Variants in TANGO6 observed in about 807,000 individuals in gnomAD.
TANGO6 encodes the protein transport and Golgi organization protein 6 homolog.
TANGO6 carries 90 observed loss-of-function variants against 114.2 expected under a neutral mutation model. The ratio of observed to expected loss-of-function variants is 0.79; its 90% CI spans 0.66 to 0.94. The LOEUF is 0.94. Ranked by LOEUF, TANGO6 falls within the 40% of genes least tolerant of loss-of-function variation. The probability of loss-of-function intolerance (pLI) is 0.00; values close to 1 mark genes in which losing one functional copy is unlikely to be tolerated. For missense variants in TANGO6, 1,274 were observed against 1,315.3 expected (o/e 0.97, Z 0.49); for synonymous variants, 477 against 509.8 (o/e 0.94, Z 0.87).
rs912858928 is a variant in TANGO6, at chr16:69,002,303, T to TTA, written c.2843-20512_2843-20511dup. On this transcript the variant is annotated intron_variant, in intron 15 of 17. Coordinates refer to ENST00000261778, the MANE Select transcript of TANGO6 (RefSeq NM_024562.2). ...AAGAAAAGGCATAAAGCCCTTTAATTTATATATATATATAAAATTTGGGTG... is the reference window on the plus strand; with the variant it reads ...AAGAAAAGGCATAAAGCCCTTTAATTTATATATATATATATAAAATTTGGGTG... Among the ~76,000 whole-genome samples, 36 of 151,786 alleles carry TTA rather than the reference T, an allele frequency of 2.4e-4. 1 individual carries two copies. The highest frequency in any genetic ancestry group is 5.8e-4 in the East Asian group (3 of 5,180).
chr16:69,074,798 C>CTGTGTGTGTG (rs60702668), intron 17 of TANGO6, among the ~76,000 whole-genome samples: 52 of 135,246 alleles, frequency 3.8e-4, no homozygotes, highest in East Asian at 1.6e-3. Context: ...GTTCGAATGC[C>CTGTGTGTGTG]TGTGTGTGTG....
rs1289780030 is a variant in TANGO6 at position 69,085,116 on chromosome 16, T to C, written c.*1455T>C. The stretch of plus-strand genomic sequence containing the variant: ...AAATGGGCATTGTGGCTTTCAAATC[T>C]AAGAAGAATCTCCTTTGGGCCAGCT... On this transcript the variant is annotated 3_prime_UTR_variant, in exon 18 of 18. Coordinates refer to ENST00000261778, the MANE Select transcript of TANGO6 (RefSeq NM_024562.2). 6.6e-6 allele frequency: 1 copy of C among 152,372 alleles called. No homozygotes were observed. Among genetic ancestry groups the C allele is most frequent in the Non-Finnish European group, 1.5e-5 (1 of 68,046 alleles). The allele number at this position is 152,372 out of a possible 1,614,324, so 9.4% of individuals were successfully genotyped here. A position where few individuals can be genotyped will look rare whatever the true frequency, so the allele number is the denominator to read the frequency against.
intron 15 of TANGO6, among the ~76,000 whole-genome samples, chr16:69,005,674 G>C (rs1379463112): frequency 1.3e-5 from 2 of 151,854 alleles, no homozygotes; most frequent in African/African-American, 4.8e-5. Context: ...TGTAATCCCA[G>C]CTACTTGGGA....
At chr16:68,983,254 C>T (rs1157878592) in intron 15 of TANGO6, among the ~76,000 whole-genome samples, 1 of 152,142 alleles carries the variant, frequency 6.6e-6, no homozygotes, top group Admixed American at 6.6e-5. Flanking sequence ...ATAGTAACAC[C>T]CAAATACTCT....
At chr16:69,083,361 A>G in intron 17 of TANGO6, 124 bp from the exon 18 acceptor site, 1 of 1,258,768 alleles carries the variant, frequency 7.9e-7, no homozygotes, top group Non-Finnish European at 1.1e-6. Context: ...ACCCAGCCAC[A>G]TTATCTTCAG....
At chr16:68,918,700 A>G (rs1168470275) in intron 11 of TANGO6, among the ~76,000 whole-genome samples, 1 of 152,180 alleles carries the variant, frequency 6.6e-6, no homozygotes, top group African/African-American at 2.4e-5. Context: ...CAATGAGGAT[A>G]ATAGTACTGA....
chr16:69,013,672 T>C (rs933569229), intron 15 of TANGO6, among the ~76,000 whole-genome samples: 14 of 149,374 alleles, frequency 9.4e-5, no homozygotes, highest in South Asian at 4.3e-4. Context: ...TTTTTTTTTT[T>C]CCGAGACCAG....
At chr16:68,894,321 T>A (rs765028492) in intron 7 of TANGO6, among the ~76,000 whole-genome samples, 7 of 152,108 alleles carry the variant, frequency 4.6e-5, no homozygotes, top group Non-Finnish European at 1.0e-4. Context: ...ATGTTGGATA[T>A]CAGGTGCAGA....
At chr16:68,947,484 G>A (rs1257979648) in intron 14 of TANGO6, among the ~76,000 whole-genome samples, 1 of 150,886 alleles carries the variant, frequency 6.6e-6, no homozygotes, top group African/African-American at 2.4e-5. Context: ...TATTATGATT[G>A]TCAATAATAT....
intron 15 of TANGO6, among the ~76,000 whole-genome samples, chr16:69,001,801 C>A (rs7195674): frequency 0.04 from 6,083 of 152,186 alleles, 404 homozygotes; most frequent in African/African-American, 0.14. Flanking sequence ...CTGCCCATTC[C>A]GCATTTCATA....
intron 17 of TANGO6, among the ~76,000 whole-genome samples, chr16:69,048,645 T>C (rs1276242741): frequency 6.6e-6 from 1 of 152,176 alleles, no homozygotes; most frequent in Non-Finnish European, 1.5e-5. Context: ...TGAAGCCTCT[T>C]CCTGATAAGG....
chr16:69,044,482 A>G (rs928011302), intron 17 of TANGO6, among the ~76,000 whole-genome samples: 7 of 152,126 alleles, frequency 4.6e-5, no homozygotes, highest in Non-Finnish European at 1.0e-4. Flanking sequence ...GATGCACACG[A>G]TAAGTTCCAT....
chr16:68,904,821 G>A (rs1264105723), intron 9 of TANGO6, among the ~76,000 whole-genome samples: 1 of 152,148 alleles, frequency 6.6e-6, no homozygotes, highest in Non-Finnish European at 1.5e-5. Context: ...ATCTTGAGCT[G>A]GGTATGGTGG....
intron 15 of TANGO6, among the ~76,000 whole-genome samples, chr16:68,999,315 G>A (rs1964019561): frequency 6.6e-6 from 1 of 152,158 alleles, no homozygotes; most frequent in African/African-American, 2.4e-5. Context: ...GTCAGAAAGT[G>A]ACATTTTTTA....
intron 14 of TANGO6, among the ~76,000 whole-genome samples, chr16:68,967,428 C>T (rs572799239): frequency 2.6e-5 from 4 of 152,256 alleles, no homozygotes; most frequent in South Asian, 4.1e-4. Context: ...TGTGTGGTCC[C>T]GTTCCTAACA....
chr16:68,915,657 C>T (rs1434147203), intron 11 of TANGO6, among the ~76,000 whole-genome samples: 1 of 152,178 alleles, frequency 6.6e-6, no homozygotes, highest in African/African-American at 2.4e-5. Context: ...GCGCTAGTGT[C>T]CTTATCTTCT....
intron 17 of TANGO6, among the ~76,000 whole-genome samples, chr16:69,043,703 T>C (rs1413734940): frequency 6.6e-6 from 1 of 152,188 alleles, no homozygotes; most frequent in Non-Finnish European, 1.5e-5. Context: ...ACCACAAAGC[T>C]TTCAATCTGG....
At chr16:68,943,651 C>T (rs1963381415) in intron 14 of TANGO6, among the ~76,000 whole-genome samples, 2 of 152,082 alleles carry the variant, frequency 1.3e-5, no homozygotes, top group African/African-American at 4.8e-5. Flanking sequence ...AGGCGTGAGC[C>T]ACCGCACCCG....
intron 16 of TANGO6, chr16:69,034,340 G>C (rs1473100686): frequency 6.3e-6 from 1 of 158,032 alleles, no homozygotes; most frequent in Non-Finnish European, 1.4e-5. Context: ...GGGCTGCACT[G>C]CCACCCTGGA....
Sources: gnomAD v4.1 joint callset for allele counts (sites outside exome capture counted in the v4.1 genomes callset) on GRCh38, gnomAD v4.1.1 for gene constraint, MANE v1.5 for transcripts, NCBI Gene and HGNC (gene_info 2026-07-23, HGNC 2026-07-21) for gene names.